The following SLC41A2 variants were observed in gnomAD, a reference collection of about 807,000 sequenced individuals.
SLC41A2 encodes SLC41A1-like 1.
In SLC41A2, 32 loss-of-function variants were observed where a neutral mutation model predicts 58.3. That is an observed-to-expected ratio of 0.55 (90% CI 0.41 to 0.74). The LOEUF is 0.74. Among genes scored for constraint, SLC41A2 ranks in the 30% least tolerant of loss-of-function variants. SLC41A2 has a pLI of 0.00. For missense variants in SLC41A2, 514 were observed against 680.6 expected (o/e 0.76, Z 2.72); for synonymous variants, 190 against 235.0 (o/e 0.81, Z 1.75).
chr12:104,826,779 C>A (rs2041861239), intron 10 of SLC41A2, among the ~76,000 whole-genome samples: 1 of 152,146 alleles, frequency 6.6e-6, no homozygotes, highest in Non-Finnish European at 1.5e-5. Flanking sequence ...CAGAATTTCA[C>A]CCAAATATTT....
chr12:104,919,428 A>T (rs2046486013), intron 2 of SLC41A2, among the ~76,000 whole-genome samples: 1 of 152,224 alleles, frequency 6.6e-6, no homozygotes, highest in Admixed American at 6.5e-5. Context: ...GAACTGCAAA[A>T]GTGTTTCCAC....
At chr12:104,829,429 G>A (rs2041965546) in intron 10 of SLC41A2, among the ~76,000 whole-genome samples, 2 of 152,184 alleles carry the variant, frequency 1.3e-5, no homozygotes, top group Non-Finnish European at 2.9e-5. Flanking sequence ...TAAAATTCTA[G>A]AAGAGGGAAA....
At chr12:104,832,490 A>G (rs567643717) in intron 10 of SLC41A2, among the ~76,000 whole-genome samples, 1 of 152,186 alleles carries the variant, frequency 6.6e-6, no homozygotes, top group Non-Finnish European at 1.5e-5. Context: ...AGTCAATTGG[A>G]CAATTTGAAC....
intron 3 of SLC41A2, 57 bp downstream of exon 3, chr12:104,909,598 T>C: frequency 2.5e-6 from 3 of 1,216,504 alleles, no homozygotes; most frequent in Non-Finnish European, 3.6e-6. Context: ...CAAGTTCCCC[T>C]TAACAGAGAG....
intron 1 of SLC41A2, among the ~76,000 whole-genome samples, chr12:104,949,785 G>A (rs895583879): frequency 2.0e-5 from 3 of 152,114 alleles, no homozygotes; most frequent in Admixed American, 6.5e-5. Flanking sequence ...GTTTCTCCAC[G>A]TTGGTCAGGC....
intron 10 of SLC41A2, among the ~76,000 whole-genome samples, chr12:104,815,171 CTCTG>C (rs2041338743): frequency 6.6e-6 from 1 of 152,188 alleles, no homozygotes; most frequent in Non-Finnish European, 1.5e-5. Context: ...TTCCTTGGAA[CTCTG>C]TGTGTAATAA....
intron 10 of SLC41A2, among the ~76,000 whole-genome samples, chr12:104,828,126 G>T (rs2041912322): frequency 6.6e-6 from 1 of 152,170 alleles, no homozygotes; most frequent in Admixed American, 6.5e-5. Flanking sequence ...ACGTCAAGAG[G>T]AGCACATCAG....
At chr12:104,903,427 C>T (rs993269870) in intron 3 of SLC41A2, among the ~76,000 whole-genome samples, 6 of 152,220 alleles carry the variant, frequency 3.9e-5, no homozygotes, top group African/African-American at 1.4e-4. Flanking sequence ...GGCCTCCATG[C>T]TCTTTATCTA....
intron 1 of SLC41A2, among the ~76,000 whole-genome samples, chr12:104,934,653 C>T (rs962163688): frequency 6.6e-6 from 1 of 152,196 alleles, no homozygotes; most frequent in African/African-American, 2.4e-5. Context: ...ACAGATGAAT[C>T]GATAAATACA....
intron 1 of SLC41A2, among the ~76,000 whole-genome samples, chr12:104,953,992 TA>T: frequency 6.6e-6 from 1 of 152,324 alleles, no homozygotes; most frequent in East Asian, 1.9e-4. Context: ...AATGTCTAAA[TA>T]AGTCGAATCT....
intron 10 of SLC41A2, among the ~76,000 whole-genome samples, chr12:104,816,765 G>A (rs565467830): frequency 2.2e-4 from 33 of 152,192 alleles, no homozygotes; most frequent in South Asian, 4.2e-4. Context: ...ATGGATTTGC[G>A]CAGGATCCAA....
chr12:104,934,492 C>A (rs1172026144), intron 1 of SLC41A2, among the ~76,000 whole-genome samples: 2 of 143,494 alleles, frequency 1.4e-5, no homozygotes, highest in Non-Finnish European at 3.0e-5. Context: ...TTGTACAAGA[C>A]AGACGTTTAG....
chr12:104,933,748 A>AC (rs150217274), intron 1 of SLC41A2, among the ~76,000 whole-genome samples: 14,708 of 152,064 alleles, frequency 0.097, 1,131 homozygotes, highest in East Asian at 0.26. Flanking sequence ...ATAAAAAAGA[A>AC]AAAATAATGT....
At chr12:104,862,878 TTA>T (rs1335311986) in intron 7 of SLC41A2, among the ~76,000 whole-genome samples, 19 of 152,302 alleles carry the variant, frequency 1.2e-4, no homozygotes, top group South Asian at 1.2e-3. Context: ...CTTCACATAC[TTA>T]TCTTTTGTGG....
intron 3 of SLC41A2, among the ~76,000 whole-genome samples, chr12:104,900,138 CA>C (rs1215895736): frequency 2.6e-5 from 4 of 152,172 alleles, no homozygotes; most frequent in African/African-American, 9.7e-5. Context: ...GGAATTCCCT[CA>C]GGCGAAAACA....
intron 6 of SLC41A2, among the ~76,000 whole-genome samples, chr12:104,873,184 C>A (rs773043032): frequency 3.9e-5 from 6 of 152,092 alleles, no homozygotes; most frequent in Non-Finnish European, 4.4e-5. Flanking sequence ...CTCACCTCCA[C>A]CCCTAACCCC....
intron 3 of SLC41A2, among the ~76,000 whole-genome samples, chr12:104,905,098 A>G (rs1362753168): frequency 6.6e-6 from 1 of 152,030 alleles, no homozygotes; most frequent in Non-Finnish European, 1.5e-5. Flanking sequence ...TCCCCATCAG[A>G]TTAGTTAGAT....
chr12:104,802,486 T>C lies in SLC41A2; in HGVS notation c.*2666A>G, dbSNP rs1223507050. On this transcript the variant is annotated 3_prime_UTR_variant, in exon 11 of 11. Coordinates refer to ENST00000258538, the MANE Select transcript of SLC41A2 (RefSeq NM_001352171.3). ...TAATGTTTTTATTTTTTTCTCCTGTTACATGCCTTTTAGACATTTGGTTGC... is the reference window on the plus strand; with the variant it reads ...TAATGTTTTTATTTTTTTCTCCTGTCACATGCCTTTTAGACATTTGGTTGC... The C allele has an allele frequency of 6.6e-6, 1 of 152,208 alleles. No homozygotes were observed. The highest frequency in any genetic ancestry group is 2.4e-5 in the African/African-American group (1 of 41,464). 9.4% of individuals were successfully genotyped at this position (152,208 alleles called of 1,614,324 possible). A position where few individuals can be genotyped will look rare whatever the true frequency, so the allele number is the denominator to read the frequency against.
intron 10 of SLC41A2, among the ~76,000 whole-genome samples, chr12:104,806,916 GT>G (rs1328443800): frequency 6.6e-6 from 1 of 151,890 alleles, no homozygotes; most frequent in Non-Finnish European, 1.5e-5. Context: ...GGGGTTGTTT[GT>G]TTTTTTCTTG....
Sources: allele counts gnomAD v4.1 joint callset (sites outside exome capture counted in the v4.1 genomes callset), GRCh38; gene constraint gnomAD v4.1.1; transcripts MANE v1.5; gene names NCBI Gene and HGNC (gene_info 2026-07-23, HGNC 2026-07-21).